Variants in SNRK observed in about 807,000 individuals in gnomAD.
SNRK encodes the protein SNF-related serine/threonine-protein kinase.
SNRK carries 3 observed loss-of-function variants against 48.2 expected under a neutral mutation model. The observed-to-expected ratio is 0.06, with a 90% confidence interval of 0.03 to 0.16. The LOEUF (loss-of-function observed/expected upper bound fraction) is 0.16. Ranked by LOEUF, SNRK falls within the 10% of genes least tolerant of loss-of-function variation. The probability of loss-of-function intolerance (pLI) is 1.00; values close to 1 mark genes in which losing one functional copy is unlikely to be tolerated. For missense variants in SNRK, 627 were observed against 976.0 expected, an observed-to-expected ratio of 0.64 and a Z score of 4.76; for synonymous variants, 376 against 366.1, an observed-to-expected ratio of 1.03 and a Z score of -0.31.
intron 1 of SNRK, among the ~76,000 whole-genome samples, chr3:43,294,619 G>A (rs532393340): frequency 1.3e-5 from 2 of 152,134 alleles, no homozygotes; most frequent in South Asian, 2.1e-4. Context: ...TTTCAGAAAG[G>A]TAGCTTGCTT....
chr3:43,301,044 GTGAGGAT>G (rs2090894390), intron 2 of SNRK, among the ~76,000 whole-genome samples: 1 of 152,242 alleles, frequency 6.6e-6, no homozygotes, highest in Non-Finnish European at 1.5e-5. Flanking sequence ...GAGGGGAATT[GTGAGGAT>G]TGAATGAGGA....
intron 1 of SNRK, among the ~76,000 whole-genome samples, chr3:43,288,426 G>C (rs1438022444): frequency 6.6e-6 from 1 of 152,104 alleles, no homozygotes; most frequent in Non-Finnish European, 1.5e-5. Context: ...TATAGGTTGG[G>C]TCTTTATGGT....
chr3:43,287,515 G>A (rs2090776057), intron 1 of SNRK, among the ~76,000 whole-genome samples: 1 of 152,120 alleles, frequency 6.6e-6, no homozygotes, highest in Admixed American at 6.5e-5. Context: ...ATCTATAGAG[G>A]TCTGAGGATA....
chr3:43,289,800 C>T (rs902620907), intron 1 of SNRK: 3 of 152,578 alleles, frequency 2.0e-5, no homozygotes, highest in Non-Finnish European at 4.4e-5. Flanking sequence ...GTAGGCTGTT[C>T]CATGGCAAAT....
intron 6 of SNRK, chr3:43,346,992 G>A (rs1299566332): frequency 5.2e-6 from 1 of 191,836 alleles, no homozygotes; most frequent in Non-Finnish European, 1.1e-5. Flanking sequence ...AAGACGTGGT[G>A]TTCAGGTTTT....
At chr3:43,295,394 C>T (rs750453475) in intron 1 of SNRK, among the ~76,000 whole-genome samples, 4 of 152,240 alleles carry the variant, frequency 2.6e-5, no homozygotes, top group Admixed American at 2.6e-4. Context: ...TCAGCGGCCC[C>T]TAGCCCATCA....
At chr3:43,311,374 C>T (rs560472341) in intron 3 of SNRK, among the ~76,000 whole-genome samples, 1 of 152,292 alleles carries the variant, frequency 6.6e-6, no homozygotes, top group East Asian at 1.9e-4. Context: ...CTCTGGCTTC[C>T]TCTTTCAGTC....
chr3:43,337,137 T>C (rs1387764161), intron 4 of SNRK, among the ~76,000 whole-genome samples: 1 of 151,814 alleles, frequency 6.6e-6, no homozygotes, highest in Non-Finnish European at 1.5e-5. Flanking sequence ...GCAGTGACAC[T>C]ATCTTGGCTC....
At chr3:43,299,466 G>A (rs145625095) in intron 1 of SNRK, among the ~76,000 whole-genome samples, 219 of 152,198 alleles carry the variant, frequency 1.4e-3, no homozygotes, top group Non-Finnish European at 2.3e-3. Flanking sequence ...GTGAGCCACC[G>A]CACCCGGCCT....
intron 1 of SNRK, among the ~76,000 whole-genome samples, chr3:43,294,720 G>A (rs1258942534): frequency 6.7e-6 from 1 of 149,822 alleles, no homozygotes; most frequent in African/African-American, 2.5e-5. Flanking sequence ...TTGGTTTATT[G>A]ATTAGTTTTT....
At chr3:43,325,934 CG>C (rs1398438772) in intron 3 of SNRK, among the ~76,000 whole-genome samples, 2 of 152,054 alleles carry the variant, frequency 1.3e-5, no homozygotes, top group African/African-American at 4.8e-5. Context: ...TGAAAGAAAT[CG>C]CCCAAGTATG....
chr3:43,348,816 GAT>G lies in SNRK; in HGVS notation c.*266_*267del, dbSNP rs2091300423. ...ATGTGGATGATCAGGATTAAATCAA[GAT>G]ATATATCTGGAACCTCTTATAAATG... On this transcript the variant is annotated 3_prime_UTR_variant, in exon 7 of 7. Transcript: ENST00000296088. The G allele has an allele frequency of 1.7e-5, 6 of 345,500 alleles. No homozygotes were observed. The East Asian group carries it at 2.7e-4, about 16-fold the overall frequency. 21.4% of individuals were successfully genotyped at this position (345,500 alleles called of 1,614,324 possible). A position where few individuals can be genotyped will look rare whatever the true frequency, so the allele number is the denominator to read the frequency against.
intron 3 of SNRK, among the ~76,000 whole-genome samples, chr3:43,311,368 G>A (rs1452219883): frequency 6.6e-6 from 1 of 152,112 alleles, no homozygotes; most frequent in Non-Finnish European, 1.5e-5. Context: ...TTGGGGCTCT[G>A]GCTTCCTCTT....
At chr3:43,308,297 G>T (rs376359981) in intron 3 of SNRK, among the ~76,000 whole-genome samples, 1 of 152,202 alleles carries the variant, frequency 6.6e-6, no homozygotes, top group Admixed American at 6.5e-5. Flanking sequence ...GATGAAGCTG[G>T]CTCCACTGAA....
chr3:43,292,299 T>G (rs1199461656), intron 1 of SNRK, among the ~76,000 whole-genome samples: 1 of 152,236 alleles, frequency 6.6e-6, no homozygotes, highest in African/African-American at 2.4e-5. Flanking sequence ...CTTTTAAAAT[T>G]TGTTTGAATT....
chr3:43,343,425 G>C lies in SNRK; in HGVS notation c.1026G>C (p.Glu342Asp). The C allele has an allele frequency of 1.2e-6, 2 of 1,614,016 alleles. No homozygotes were observed. Reference protein sequence around the residue: ...LAERILREKQEKEIQTRSASP... With the variant: ...LAERILREKQDKEIQTRSASP... The stretch of plus-strand genomic sequence containing the variant: ...AAAGGATCCTGAGAGAAAAGCAAGA[G>C]AAAGAAATACAGACCAGATCTGCAA... Residue 342 changes from glutamate to aspartate, a missense_variant, in exon 6 of 7, where the codon GAG becomes GAC. This residue lies in a region of SNRK where 175 missense variants were observed against 209.7 expected (regional missense o/e 0.83). Coordinates refer to ENST00000296088, the MANE Select transcript of SNRK (RefSeq NM_017719.5).
intron 2 of SNRK, among the ~76,000 whole-genome samples, chr3:43,301,973 A>G (rs1009548023): frequency 6.6e-6 from 1 of 152,200 alleles, no homozygotes; most frequent in Non-Finnish European, 1.5e-5. Context: ...ACCTATTTCT[A>G]TTCATTTATT....
chr3:43,325,629 T>A (rs1375257069), intron 3 of SNRK, among the ~76,000 whole-genome samples: 1 of 152,242 alleles, frequency 6.6e-6, no homozygotes, highest in African/African-American at 2.4e-5. Flanking sequence ...GAATTGGACA[T>A]TTTTAGATGT....
At chr3:43,288,459 A>C (rs1253418514) in intron 1 of SNRK, among the ~76,000 whole-genome samples, 2 of 152,204 alleles carry the variant, frequency 1.3e-5, no homozygotes, top group African/African-American at 4.8e-5. Flanking sequence ...ACATAATCCT[A>C]AAAGAAAGGC....
Sources: gnomAD v4.1 joint callset for allele counts (sites outside exome capture counted in the v4.1 genomes callset) on GRCh38, gnomAD v4.1.1 for gene constraint, gnomAD v4.1.1 regional missense constraint, MANE v1.5 for transcripts, NCBI Gene and HGNC (gene_info 2026-07-23, HGNC 2026-07-21) for gene names.